The following RANBP2 variants were observed in gnomAD, a reference collection of about 807,000 sequenced individuals.
RANBP2 encodes E3 SUMO-protein ligase RanBP2.
A neutral mutation model predicts 303.6 loss-of-function variants in RANBP2; 57 were observed. The observed-to-expected ratio is 0.19, with a 90% confidence interval of 0.15 to 0.23. RANBP2 has a LOEUF of 0.23. RANBP2 is among the 10% of genes least tolerant of loss of function. The pLI is 1.00. For missense variants in RANBP2, 3,138 were observed against 3,780.8 expected, an observed-to-expected ratio of 0.83 and a Z score of 4.46; for synonymous variants, 1,167 against 1,301.5, an observed-to-expected ratio of 0.90 and a Z score of 2.23.
At chr2:108,963,013 A>ACT in the RANBP2 span, among the ~76,000 whole-genome samples, 2 of 152,192 alleles carry the variant, frequency 1.3e-5, no homozygotes, top group Non-Finnish European at 2.9e-5. Flanking sequence ...CATCTGCACC[A>ACT]GCGATCAATT....
intron 1 of RANBP2, among the ~76,000 whole-genome samples, chr2:108,723,797 T>G (rs1311533790): frequency 6.6e-6 from 1 of 152,252 alleles, no homozygotes; most frequent in Non-Finnish European, 1.5e-5. Context: ...GGTTTGCTTG[T>G]ATGTTGTGTT....
At chr2:108,999,980 C>T in the RANBP2 span, among the ~76,000 whole-genome samples, 4 of 152,166 alleles carry the variant, frequency 2.6e-5, no homozygotes, top group East Asian at 1.9e-4. Flanking sequence ...TGGTAAATGA[C>T]GACCTGCTCT....
At chr2:109,056,054 A>G in the RANBP2 span, among the ~76,000 whole-genome samples, 1 of 151,930 alleles carries the variant, frequency 6.6e-6, no homozygotes, top group Admixed American at 6.6e-5. Context: ...CACTGAGCCC[A>G]GCCAACAGCT....
the RANBP2 span, among the ~76,000 whole-genome samples, chr2:109,475,661 A>T: frequency 1.3e-5 from 2 of 152,208 alleles, no homozygotes; most frequent in Non-Finnish European, 2.9e-5. Context: ...TAGGATGTCG[A>T]GCAGCATCCC....
chr2:108,895,654 T>G, the RANBP2 span: 1 of 152,230 alleles, frequency 6.6e-6, no homozygotes, highest in Non-Finnish European at 1.5e-5. Flanking sequence ...TTTGCTCACC[T>G]GAACCCTACC....
At chr2:108,902,676 T>C in the RANBP2 span, among the ~76,000 whole-genome samples, 1 of 152,152 alleles carries the variant, frequency 6.6e-6, no homozygotes, top group East Asian at 1.9e-4. Flanking sequence ...AAAAAAGAAT[T>C]GTACCACATC....
chr2:109,427,856 G>A, the RANBP2 span, among the ~76,000 whole-genome samples: 404 of 152,364 alleles, frequency 2.7e-3, no homozygotes, highest in African/African-American at 9.2e-3. Context: ...GGGAAGAGGC[G>A]AAGGCAGCAG....
At chr2:108,810,440 A>G in the RANBP2 span, among the ~76,000 whole-genome samples, 1 of 152,180 alleles carries the variant, frequency 6.6e-6, no homozygotes, top group Non-Finnish European at 1.5e-5. Context: ...TATACTCTTC[A>G]TTCTGTTAAA....
the RANBP2 span, among the ~76,000 whole-genome samples, chr2:109,635,373 G>A: frequency 2.6e-5 from 4 of 152,184 alleles, no homozygotes; most frequent in African/African-American, 7.2e-5. Context: ...AGTAGAGACA[G>A]GGTTTCACAA....
the RANBP2 span, among the ~76,000 whole-genome samples, chr2:109,339,757 G>A: frequency 6.6e-6 from 1 of 152,130 alleles, no homozygotes; most frequent in Admixed American, 6.5e-5. Flanking sequence ...TCACAGCATG[G>A]GATCTCTTCC....
At chr2:109,250,518 G>A in the RANBP2 span, among the ~76,000 whole-genome samples, 1 of 151,734 alleles carries the variant, frequency 6.6e-6, no homozygotes, top group East Asian at 1.9e-4. Flanking sequence ...TAATGGACTG[G>A]ATTTTAAAGG....
At chr2:109,562,047 C>T in the RANBP2 span, among the ~76,000 whole-genome samples, 2 of 151,912 alleles carry the variant, frequency 1.3e-5, no homozygotes, top group African/African-American at 4.8e-5. Context: ...CCTGTCTCTA[C>T]TACAAAAACA....
At chr2:108,917,590 TG>T in the RANBP2 span, among the ~76,000 whole-genome samples, 1 of 152,200 alleles carries the variant, frequency 6.6e-6, no homozygotes, top group Non-Finnish European at 1.5e-5. Flanking sequence ...TGGTCTTTTT[TG>T]TCCACAATTC....
the RANBP2 span, among the ~76,000 whole-genome samples, chr2:109,353,955 GC>G: frequency 2.0e-5 from 3 of 152,130 alleles, no homozygotes; most frequent in East Asian, 5.8e-4. Context: ...ACCAGAGGAA[GC>G]CCCTAGATGC....
At chr2:108,729,829 C>T (rs1233464350) in intron 2 of RANBP2, among the ~76,000 whole-genome samples, 4 of 151,704 alleles carry the variant, frequency 2.6e-5, no homozygotes, top group South Asian at 2.1e-4. Flanking sequence ...AAGAGATCTT[C>T]CCACCTCAGC....
the RANBP2 span, among the ~76,000 whole-genome samples, chr2:109,028,476 G>A: frequency 6.6e-6 from 1 of 152,064 alleles, no homozygotes; most frequent in Non-Finnish European, 1.5e-5. Flanking sequence ...GTCTCCACAC[G>A]CCACCCTCAG....
chr2:109,514,914 C>T, the RANBP2 span, among the ~76,000 whole-genome samples: 1 of 149,630 alleles, frequency 6.7e-6, no homozygotes, highest in Non-Finnish European at 1.5e-5. Context: ...CTCATCTTCC[C>T]CCATGCCCCT....
chr2:109,173,628 A>G, the RANBP2 span, among the ~76,000 whole-genome samples: 1 of 152,070 alleles, frequency 6.6e-6, no homozygotes, highest in Admixed American at 6.6e-5. Flanking sequence ...TGGCCCTTTC[A>G]TGGACCCCTG....
At chr2:109,372,777 G>T in the RANBP2 span, among the ~76,000 whole-genome samples, 1 of 152,152 alleles carries the variant, frequency 6.6e-6, no homozygotes, top group East Asian at 1.9e-4. Flanking sequence ...TCAGTGCTGG[G>T]CTCCATGTGT....
Sources: allele counts gnomAD v4.1 joint callset (sites outside exome capture counted in the v4.1 genomes callset), GRCh38; gene constraint gnomAD v4.1.1; transcripts MANE v1.5; gene names NCBI Gene and HGNC (gene_info 2026-07-23, HGNC 2026-07-21).